Variants in MSR1 observed in about 807,000 individuals in gnomAD.
MSR1 encodes the protein macrophage scavenger receptor 1.
Under a neutral mutation model 47.2 loss-of-function variants are expected in MSR1, and 53 were observed. The observed-to-expected ratio is 1.12, with a 90% CI of 0.90 to 1.41. The LOEUF is 1.41. Among genes scored for constraint, MSR1 ranks in the 40% most tolerant of loss-of-function variants. The probability of loss-of-function intolerance (pLI) is 0.00; values close to 1 mark genes in which losing one functional copy is unlikely to be tolerated. For synonymous variants in MSR1, 239 were observed against 185.6 expected (o/e 1.29, Z -2.34); for missense variants, 786 against 546.9 (o/e 1.44, Z -4.36).
At chr8:16,141,294 TC>T (rs57191025) in intron 8 of MSR1, among the ~76,000 whole-genome samples, 4,481 of 152,194 alleles carry the variant, frequency 0.029, 206 homozygotes, top group African/African-American at 0.1. Context: ...TCTAGCAAAT[TC>T]CCTATTAAAA....
At chr8:16,140,806 A>T in intron 8 of MSR1, 1 of 1,516,514 alleles carries the variant, frequency 6.6e-7, no homozygotes, top group East Asian at 2.3e-5. Context: ...AGGTATGAGC[A>T]TGGGAGCAGA....
intron 3 of MSR1, 114 bp downstream of exon 3, chr8:16,175,073 A>T (rs1801601731): frequency 7.3e-6 from 6 of 817,428 alleles, no homozygotes; most frequent in Non-Finnish European, 1.3e-5. Context: ...TTTGTAATGC[A>T]GTATTTTCTT....
intron 5 of MSR1, among the ~76,000 whole-genome samples, chr8:16,161,214 A>G (rs754502627): frequency 6.6e-6 from 1 of 151,830 alleles, no homozygotes; most frequent in Non-Finnish European, 1.5e-5. Flanking sequence ...GGACTTACAA[A>G]TGGATTACAT....
At chr8:16,186,127 T>G in intron 1 of MSR1, 1 of 1,508,360 alleles carries the variant, frequency 6.6e-7, no homozygotes, top group Non-Finnish European at 8.9e-7. Context: ...TGAAAGTCCC[T>G]GAGTGCATAA....
chr8:16,108,607 G>A lies in MSR1; in HGVS notation c.*1478C>T, dbSNP rs1337758261. ...GAAATTACAGCCAGGGTTTGAGACA[G>A]AAAGTGTACATTCAGAATTCATTCT... On this transcript the variant is annotated 3_prime_UTR_variant, in exon 10 of 10. Transcript: ENST00000262101. 6.6e-6 allele frequency: 1 copy of A among 152,144 alleles called. No homozygotes were observed. The allele number at this position is 152,144 out of a possible 1,614,324, so 9.4% of individuals were successfully genotyped here. A position where few individuals can be genotyped will look rare whatever the true frequency, so the allele number is the denominator to read the frequency against.
rs994007936 is a variant in MSR1, at chr8:16,168,861, A to T, written c.227T>A (p.Leu76Gln). 1 of 1,612,846 alleles carries T rather than the reference A, an allele frequency of 6.2e-7. No individual in the cohort carries two copies. The highest frequency in any genetic ancestry group is 2.2e-5 in the East Asian group (1 of 44,858). ...TGAGCAATTCTTCGTTTCCCACTTCAGGAGTTGAGCTGTATATTTAAGTAA... is the reference window on the plus strand; with the variant it reads ...TGAGCAATTCTTCGTTTCCCACTTCTGGAGTTGAGCTGTATATTTAAGTAA... ...PLIGIVAAQL[L>Q]KWETKNCSVS... is the part of the protein sequence containing the mutation. The change falls in exon 4 of 10, where the codon CTG becomes CAG. Residue 76 changes from leucine (L) to glutamine (Q), a missense_variant. Leu to Gln is a moderately radical substitution (Grantham distance 113). Coordinates refer to ENST00000262101, the MANE Select transcript of MSR1 (RefSeq NM_138715.3).
In MSR1 at chr8:16,114,200, C is replaced by A. The variant is rs1002808310; in HGVS notation, c.1223-3982G>T. On this transcript the variant is annotated intron_variant, in intron 9 of 9. Coordinates refer to ENST00000262101, the MANE Select transcript of MSR1 (RefSeq NM_138715.3). ...GGGATAGTTCAGAGGTATAGAGGTG[C>A]ATTTTTTGATTGCCTTCTGTTTACC... 2.7e-5 allele frequency among the ~76,000 whole-genome samples: 4 copies of A among 149,612 alleles called. No individual in the cohort carries two copies. In the South Asian group the frequency reaches 8.6e-4, roughly 32 times the overall value.
chr8:16,132,499 T>C (rs1372306740), intron 8 of MSR1, among the ~76,000 whole-genome samples: 1 of 151,956 alleles, frequency 6.6e-6, no homozygotes, highest in African/African-American at 2.4e-5. Flanking sequence ...TTTTGTTTTG[T>C]TTTTTTGAGA....
Position 16,160,050 on chromosome 8 carries a change from AAGAGACACACT to A in MSR1, c.817+4004_817+4014del, listed in dbSNP as rs540850091. ...GGGAATGAAGCATTCAAGACTAGTTAAGAGACACACTGAAAAAGACCTTGAGTGCTACAGGC... is the reference window on the plus strand; with the variant it reads ...GGGAATGAAGCATTCAAGACTAGTTAGAAAAAGACCTTGAGTGCTACAGGC... On this transcript the variant is annotated intron_variant, in intron 5 of 9. Coordinates refer to ENST00000262101, the MANE Select transcript of MSR1 (RefSeq NM_138715.3). Among the ~76,000 whole-genome samples the A allele has an allele frequency of 2.3e-3, 344 of 152,130 alleles. 1 individual carries two copies. Among genetic ancestry groups the A allele is most frequent in the African/African-American group, 7.8e-3 (324 of 41,550 alleles).
intron 5 of MSR1, among the ~76,000 whole-genome samples, chr8:16,159,220 A>G (rs1801095738): frequency 1.3e-5 from 2 of 150,450 alleles, no homozygotes; most frequent in South Asian, 2.1e-4. Flanking sequence ...TGGTGCTTTC[A>G]TATCCTAGGA....
chr8:16,174,349 T>C (rs1324968052), intron 3 of MSR1, among the ~76,000 whole-genome samples: 1 of 152,126 alleles, frequency 6.6e-6, no homozygotes, highest in Non-Finnish European at 1.5e-5. Flanking sequence ...ATTTTATCAG[T>C]CATATAGAGA....
At chr8:16,127,640 T>G (rs2117077099) in intron 8 of MSR1, among the ~76,000 whole-genome samples, 1 of 148,554 alleles carries the variant, frequency 6.7e-6, no homozygotes, top group African/African-American at 2.6e-5. Flanking sequence ...GGCTAGATGT[T>G]AAGATAATGC....
chr8:16,144,653 T>TAA (rs1239798590), intron 7 of MSR1, among the ~76,000 whole-genome samples: 1 of 152,136 alleles, frequency 6.6e-6, no homozygotes, highest in Non-Finnish European at 1.5e-5. Flanking sequence ...CTTTCTGAGC[T>TAA]AAAGTTTATT....
At chr8:16,154,982 T>C in intron 6 of MSR1, 82 bp downstream of exon 6, 1 of 1,170,588 alleles carries the variant, frequency 8.5e-7, no homozygotes, top group Non-Finnish European at 1.3e-6. Flanking sequence ...ATAAATAAAA[T>C]AGCAATCCTC....
chr8:16,181,167 T>C (rs1801819637), intron 1 of MSR1, among the ~76,000 whole-genome samples: 1 of 152,134 alleles, frequency 6.6e-6, no homozygotes, highest in Non-Finnish European at 1.5e-5. Flanking sequence ...AAAATTCACT[T>C]TAAAATATAG....
intron 3 of MSR1, among the ~76,000 whole-genome samples, chr8:16,169,521 A>G (rs1801420751): frequency 6.6e-6 from 1 of 152,142 alleles, no homozygotes; most frequent in Non-Finnish European, 1.5e-5. Flanking sequence ...CTATTATAAA[A>G]TATATATTCA....
intron 4 of MSR1, among the ~76,000 whole-genome samples, chr8:16,166,041 T>C (rs1239972406): frequency 6.6e-6 from 1 of 152,136 alleles, no homozygotes; most frequent in African/African-American, 2.4e-5. Flanking sequence ...GCTGCAAGTA[T>C]GTCGGGTAGT....
At chr8:16,164,682 G>C (rs1028529920) in intron 4 of MSR1, among the ~76,000 whole-genome samples, 4 of 151,970 alleles carry the variant, frequency 2.6e-5, no homozygotes, top group Admixed American at 2.6e-4. Context: ...AATAAGTGAA[G>C]TTTAATGTCA....
At chr8:16,117,392 G>A (rs1799901556) in intron 9 of MSR1, among the ~76,000 whole-genome samples, 2 of 152,110 alleles carry the variant, frequency 1.3e-5, no homozygotes, top group Non-Finnish European at 2.9e-5. Context: ...GCAGAGAGGT[G>A]TGACGGCACA....
Sources: allele counts gnomAD v4.1 joint callset (sites outside exome capture counted in the v4.1 genomes callset), GRCh38; gene constraint gnomAD v4.1.1; transcripts MANE v1.5; gene names NCBI Gene and HGNC (gene_info 2026-07-23, HGNC 2026-07-21).